The following PCDHA7 variants were observed in gnomAD, a reference collection of about 807,000 sequenced individuals.
PCDHA7 encodes the protein protocadherin alpha-7.
In PCDHA7, 37 loss-of-function variants were observed where a neutral mutation model predicts 57.2. The ratio of observed to expected loss-of-function variants is 0.65; its 90% CI spans 0.50 to 0.85. The LOEUF (loss-of-function observed/expected upper bound fraction) is 0.85, where lower values mean the gene tolerates loss of function less well. Ranked by LOEUF, PCDHA7 falls within the 40% of genes least tolerant of loss-of-function variation. The pLI is 0.00. For missense variants in PCDHA7, 1,188 were observed against 1,241.8 expected (o/e 0.96, Z 0.65); for synonymous variants, 553 against 558.8 (o/e 0.99, Z 0.15).
rs2096251050 is a variant in PCDHA7, at chr5:140,968,498, C to T, written c.2356-10451C>T. 3 of 1,614,190 alleles carry T rather than the reference C, an allele frequency of 1.9e-6. No individual in the cohort carries two copies. The highest frequency in any genetic ancestry group is 2.5e-6 in the Non-Finnish European group (3 of 1,180,042). The stretch of plus-strand genomic sequence containing the variant: ...GGTGGACATGAATGACCATGCCCCT[C>T]ACATTCTGTACCCTACCTCAACCAA... On this transcript the variant is annotated intron_variant, in intron 1 of 3. Coordinates refer to ENST00000525929, the MANE Select transcript of PCDHA7 (RefSeq NM_018910.3).
At position 140,850,378 on chromosome 5, in the gene PCDHA7, C is replaced by T. The variant is rs1365314674; in HGVS notation, c.2355+13640C>T. On this transcript the variant is annotated intron_variant, in intron 1 of 3. Coordinates refer to ENST00000525929, the MANE Select transcript of PCDHA7 (RefSeq NM_018910.3). ...ATCCCGTTCCGCGTGGGGCTGTACA[C>T]GGGCGAGATCAGCACAACGCGTGCC... 6 of 1,597,842 alleles carry T rather than the reference C, an allele frequency of 3.8e-6. 1 individual carries two copies. Among genetic ancestry groups the T allele is most frequent in the Non-Finnish European group, 5.1e-6 (6 of 1,167,692 alleles).
At chr5:140,987,824 G>A (rs1032765154) in intron 3 of PCDHA7, among the ~76,000 whole-genome samples, 1 of 151,972 alleles carries the variant, frequency 6.6e-6, no homozygotes, top group Non-Finnish European at 1.5e-5. Flanking sequence ...TGTTTCCTTA[G>A]GGGATTGCTT....
chr5:140,875,993 T>C lies in PCDHA7; in HGVS notation c.2355+39255T>C, dbSNP rs574636926. 5 of 1,613,988 alleles carry C rather than the reference T, an allele frequency of 3.1e-6. No homozygotes were observed. The Admixed American group carries it at 6.7e-5, about 22-fold the overall frequency. On this transcript the variant is annotated intron_variant, in intron 1 of 3. Transcript: ENST00000525929. The stretch of plus-strand genomic sequence containing the variant: ...TCTCTTTTGACCTATGCGTTAAGTC[T>C]AAATGAGAATTTTGAGCTTAAAATA...
intron 1 of PCDHA7, chr5:140,842,511 T>G: frequency 6.2e-7 from 1 of 1,613,722 alleles, no homozygotes; most frequent in Non-Finnish European, 8.5e-7. Flanking sequence ...CCCTTCAAGC[T>G]GGTGTCCACC....
At position 140,844,592 on chromosome 5, in the gene PCDHA7, A is replaced by G. The variant is rs2150372335; in HGVS notation, c.2355+7854A>G. 4.7e-5 allele frequency among the ~76,000 whole-genome samples: 7 copies of G among 149,514 alleles called. 1 individual carries two copies. Among genetic ancestry groups the G allele is most frequent in the Admixed American group, 6.7e-5 (1 of 14,904 alleles). On this transcript the variant is annotated intron_variant, in intron 1 of 3. Coordinates refer to ENST00000525929, the MANE Select transcript of PCDHA7 (RefSeq NM_018910.3). ...AATATTCCACATTAAAGTGATATTTAATATATGACTTAGAAAAATGTTTTC... is the reference window on the plus strand; with the variant it reads ...AATATTCCACATTAAAGTGATATTTGATATATGACTTAGAAAAATGTTTTC...
intron 1 of PCDHA7, chr5:140,842,386 A>G (rs1554138984): frequency 1.2e-6 from 2 of 1,611,028 alleles, no homozygotes; most frequent in Non-Finnish European, 1.7e-6. Flanking sequence ...TGACTTCCTT[A>G]TCCTTGCCTG....
chr5:140,842,014 A>G (rs2150327358), intron 1 of PCDHA7: 1 of 1,613,836 alleles, frequency 6.2e-7, no homozygotes. Context: ...TGCTGGTCAC[A>G]GTGCTGGATG....
intron 1 of PCDHA7, chr5:140,848,627 C>A (rs2150415435): frequency 6.3e-7 from 1 of 1,593,432 alleles, no homozygotes; most frequent in Non-Finnish European, 8.6e-7. Context: ...ACGGCACCTT[C>A]GTGGGCCGCA....
intron 1 of PCDHA7, among the ~76,000 whole-genome samples, chr5:140,893,709 G>A (rs141117049): frequency 6.6e-6 from 1 of 152,250 alleles, no homozygotes; most frequent in East Asian, 1.9e-4. Flanking sequence ...AGCCTGTAAA[G>A]CTTCTGCTGA....
rs1346870417 is a variant in PCDHA7 at position 140,982,634 on chromosome 5, TC to T, written c.2503+72del. 11 of 1,555,302 alleles carry T rather than the reference TC, an allele frequency of 7.1e-6. No homozygotes were observed. In the Admixed American group the frequency reaches 2.2e-4, roughly 30 times the overall value. ...GATCAGATGACCTACTTTTGTAAGATCAGGAATGTTGATGGCTCTTTTTCTT... is the reference window on the plus strand; with the variant it reads ...GATCAGATGACCTACTTTTGTAAGATAGGAATGTTGATGGCTCTTTTTCTT... On this transcript the variant is annotated intron_variant, in intron 3 of 3. Transcript: ENST00000525929.
chr5:140,942,157 T>C (rs2093241169), intron 1 of PCDHA7, among the ~76,000 whole-genome samples: 1 of 152,236 alleles, frequency 6.6e-6, no homozygotes, highest in Non-Finnish European at 1.5e-5. Context: ...TAAAACAGCT[T>C]CCATATTTCT....
At chr5:140,850,178 T>C (rs1266429053) in intron 1 of PCDHA7, 11 of 1,592,662 alleles carry the variant, frequency 6.9e-6, no homozygotes, top group East Asian at 6.8e-5. Flanking sequence ...AGAACGACAA[T>C]GCGCCGGCGC....
chr5:140,905,304 C>T (rs1373391378), intron 1 of PCDHA7, among the ~76,000 whole-genome samples: 1 of 152,150 alleles, frequency 6.6e-6, no homozygotes, highest in Non-Finnish European at 1.5e-5. Flanking sequence ...GTCCTTTCCA[C>T]ACTTTGTGTT....
rs367948106 is a variant in PCDHA7 at position 140,876,049 on chromosome 5, G to A, written c.2355+39311G>A. On this transcript the variant is annotated intron_variant, in intron 1 of 3. Coordinates refer to ENST00000525929, the MANE Select transcript of PCDHA7 (RefSeq NM_018910.3). Reference sequence around the variant, plus strand: ...AAAAAAAGATAAAAGTATATTGCCTGAATTAGTTCTTCGGAAGTTATTGGA... The same window carrying A: ...AAAAAAAGATAAAAGTATATTGCCTAAATTAGTTCTTCGGAAGTTATTGGA... The A allele has an allele frequency of 3.6e-4, 586 of 1,613,784 alleles. No individual in the cohort carries two copies. The highest frequency in any genetic ancestry group is 4.9e-4 in the Non-Finnish European group (575 of 1,179,896).
chr5:140,871,607 AT>A, intron 1 of PCDHA7: 1 of 1,438,710 alleles, frequency 7.0e-7, no homozygotes. Flanking sequence ...AGTGTTTTGA[AT>A]ATTGTTTTAG....
chr5:141,011,288 T>C lies in PCDHA7; in HGVS notation c.*1351T>C, dbSNP rs1379355395. 1 of 153,798 alleles carries C rather than the reference T, an allele frequency of 6.5e-6. No individual in the cohort carries two copies. Among genetic ancestry groups the C allele is most frequent in the Non-Finnish European group, 1.5e-5 (1 of 68,050 alleles). The allele number at this position is 153,798 out of a possible 1,614,324, so 9.5% of individuals were successfully genotyped here. A position where few individuals can be genotyped will look rare whatever the true frequency, so the allele number is the denominator to read the frequency against. On this transcript the variant is annotated 3_prime_UTR_variant, in exon 4 of 4. Transcript: ENST00000525929. ...CTTCTCTTTGGTTTAGTTTTCCTTT[T>C]CTATAACACTCTGAATTGCTAATCT... is the stretch of plus-strand genomic sequence containing the variant.
intron 1 of PCDHA7, among the ~76,000 whole-genome samples, chr5:140,964,964 C>T (rs1035701368): frequency 2.6e-5 from 4 of 152,212 alleles, no homozygotes; most frequent in Non-Finnish European, 4.4e-5. Flanking sequence ...GTTGGTGGAA[C>T]GAAGGGATGT....
At chr5:140,846,526 C>T (rs1554141357) in intron 1 of PCDHA7, among the ~76,000 whole-genome samples, 1 of 148,306 alleles carries the variant, frequency 6.7e-6, no homozygotes, top group Non-Finnish European at 1.5e-5. Context: ...AGGTGCATGC[C>T]ACCATGCCCT....
intron 1 of PCDHA7, among the ~76,000 whole-genome samples, chr5:140,905,180 TAA>T (rs2071657008): frequency 6.6e-6 from 1 of 152,224 alleles, no homozygotes; most frequent in Non-Finnish European, 1.5e-5. Flanking sequence ...GTTTTAGATT[TAA>T]GTCTTTGATC....
Sources: allele counts gnomAD v4.1 joint callset (sites outside exome capture counted in the v4.1 genomes callset), GRCh38; gene constraint gnomAD v4.1.1; transcripts MANE v1.5; gene names NCBI Gene and HGNC (gene_info 2026-07-23, HGNC 2026-07-21).